LSAMP: variants seen among roughly 807,000 people sequenced by gnomAD.
LSAMP encodes limbic system-associated membrane protein.
Under a neutral mutation model 38.6 loss-of-function variants are expected in LSAMP, and 7 were observed. The observed-to-expected ratio is 0.18, with a 90% CI of 0.10 to 0.34. The LOEUF is 0.34. Among genes scored for constraint, LSAMP ranks in the 10% least tolerant of loss-of-function variants. The pLI is 1.00. For missense variants in LSAMP, 313 were observed against 420.0 expected, an observed-to-expected ratio of 0.75 and a Z score of 2.23; for synonymous variants, 154 against 166.8, an observed-to-expected ratio of 0.92 and a Z score of 0.59.
chr3:116,417,825 T>TA (rs63057662), intron 1 of LSAMP, among the ~76,000 whole-genome samples: 23,229 of 151,950 alleles, frequency 0.15, 2,976 homozygotes, highest in African/African-American at 0.36. Context: ...GCTCCATCAG[T>TA]AAAAAGTATT....
At chr3:116,383,773 T>C (rs780484567) in intron 1 of LSAMP, among the ~76,000 whole-genome samples, 30 of 152,164 alleles carry the variant, frequency 2.0e-4, no homozygotes, top group Non-Finnish European at 4.3e-4. Context: ...ATGTATGTTC[T>C]TATTCACCAA....
intron 1 of LSAMP, among the ~76,000 whole-genome samples, chr3:116,331,195 C>A (rs1458618380): frequency 6.6e-6 from 1 of 151,980 alleles, no homozygotes; most frequent in Non-Finnish European, 1.5e-5. Context: ...AAAATAGAAA[C>A]TATCAAGCCT....
At chr3:116,221,568 G>A (rs1222855817) in intron 1 of LSAMP, among the ~76,000 whole-genome samples, 3 of 152,204 alleles carry the variant, frequency 2.0e-5, no homozygotes, top group African/African-American at 7.2e-5. Context: ...GTACATGCCT[G>A]TGTGTGTCCT....
intron 3 of LSAMP, among the ~76,000 whole-genome samples, chr3:116,018,042 C>G (rs766228517): frequency 6.6e-6 from 1 of 151,978 alleles, no homozygotes; most frequent in Non-Finnish European, 1.5e-5. Flanking sequence ...CGTTCATACT[C>G]GAGACAATCC....
intron 1 of LSAMP, among the ~76,000 whole-genome samples, chr3:116,294,245 A>G (rs111397610): frequency 3.3e-5 from 5 of 152,284 alleles, no homozygotes; most frequent in African/African-American, 1.2e-4. Flanking sequence ...AAGATTGTCA[A>G]CTATTAATGG....
rs1034341191 is a variant in LSAMP at position 116,192,069 on chromosome 3, A to G, written c.156-105513T>C. On this transcript the variant is annotated intron_variant, in intron 1 of 6. Transcript: ENST00000490035. ...TAACCTAACCTAATAATCATTTAAA[A>G]TATTCTATTACAGCAATGTATTATT... Among the ~76,000 whole-genome samples the G allele has an allele frequency of 2.4e-4, 37 of 152,344 alleles. 1 individual carries two copies. The highest frequency in any genetic ancestry group is 8.7e-4 in the African/African-American group (36 of 41,584).
At chr3:116,206,471 T>G (rs1199222082) in intron 1 of LSAMP, among the ~76,000 whole-genome samples, 1 of 132,172 alleles carries the variant, frequency 7.6e-6, no homozygotes, top group Non-Finnish European at 1.7e-5. Context: ...GCGCTTGCTT[T>G]TCTAGTTCTT....
chr3:116,345,423 C>T (rs2048052560), intron 1 of LSAMP, among the ~76,000 whole-genome samples: 2 of 152,082 alleles, frequency 1.3e-5, no homozygotes, highest in Non-Finnish European at 2.9e-5. Flanking sequence ...TAGATATCGG[C>T]CCTGTAGTTC....
intron 3 of LSAMP, among the ~76,000 whole-genome samples, chr3:116,003,861 C>A (rs1193079150): frequency 1.3e-5 from 2 of 152,116 alleles, no homozygotes; most frequent in Non-Finnish European, 1.5e-5. Flanking sequence ...TGTGGCCCTG[C>A]CAATACCTTG....
At chr3:116,426,051 GA>G (rs1177953395) in intron 1 of LSAMP, among the ~76,000 whole-genome samples, 1 of 151,956 alleles carries the variant, frequency 6.6e-6, no homozygotes, top group Non-Finnish European at 1.5e-5. Context: ...AGCAAAAATA[GA>G]AAAGAAAAAG....
intron 3 of LSAMP, among the ~76,000 whole-genome samples, chr3:116,012,470 T>C (rs778745400): frequency 1.3e-5 from 2 of 152,222 alleles, no homozygotes; most frequent in African/African-American, 2.4e-5. Context: ...TACTGTTATA[T>C]AACCAGACTG....
intron 1 of LSAMP, among the ~76,000 whole-genome samples, chr3:116,249,317 C>A (rs780091995): frequency 2.6e-5 from 4 of 151,988 alleles, no homozygotes; most frequent in Non-Finnish European, 5.9e-5. Flanking sequence ...GCCAAGATGA[C>A]AAGACAAGTT....
chr3:116,003,623 C>T (rs763574170), intron 3 of LSAMP, among the ~76,000 whole-genome samples: 31 of 152,078 alleles, frequency 2.0e-4, no homozygotes, highest in Non-Finnish European at 3.4e-4. Context: ...ATTTAAGGAT[C>T]TTAAGATGAG....
At chr3:116,439,323 T>TTG (rs1476789780) in intron 1 of LSAMP, among the ~76,000 whole-genome samples, 2 of 151,564 alleles carry the variant, frequency 1.3e-5, no homozygotes, top group African/African-American at 4.9e-5. Flanking sequence ...TTTGTTGTTT[T>TTG]TTTTTTTTAA....
chr3:116,428,519 A>G (rs2049235091), intron 1 of LSAMP, among the ~76,000 whole-genome samples: 1 of 152,190 alleles, frequency 6.6e-6, no homozygotes, highest in Admixed American at 6.5e-5. Context: ...ATGTATTTAG[A>G]AAAAAATGCA....
chr3:116,442,168 C>A (rs2049445188), intron 1 of LSAMP, among the ~76,000 whole-genome samples: 1 of 151,998 alleles, frequency 6.6e-6, no homozygotes, highest in South Asian at 2.1e-4. Context: ...AGCATCAATC[C>A]CCAAAAGAAA....
At chr3:116,209,156 C>T (rs1232131692) in intron 1 of LSAMP, among the ~76,000 whole-genome samples, 6 of 152,162 alleles carry the variant, frequency 3.9e-5, no homozygotes, top group African/African-American at 9.7e-5. Flanking sequence ...GGGAGTGACC[C>T]GATTTTCCAG....
intron 1 of LSAMP, among the ~76,000 whole-genome samples, chr3:116,384,981 C>A (rs551549060): frequency 1.3e-5 from 2 of 151,920 alleles, no homozygotes; most frequent in South Asian, 2.1e-4. Flanking sequence ...GGGCACTAAG[C>A]AGTCACTGAG....
At chr3:115,986,169 G>A (rs1251665897) in intron 3 of LSAMP, among the ~76,000 whole-genome samples, 2 of 152,156 alleles carry the variant, frequency 1.3e-5, no homozygotes, top group African/African-American at 2.4e-5. Context: ...AAGGGCCAAT[G>A]AAACCTCTTA....
Sources: gnomAD v4.1 joint callset for allele counts (sites outside exome capture counted in the v4.1 genomes callset) on GRCh38, gnomAD v4.1.1 for gene constraint, MANE v1.5 for transcripts, NCBI Gene and HGNC (gene_info 2026-07-23, HGNC 2026-07-21) for gene names.